Variants in R3HDM1 observed in about 807,000 individuals in gnomAD.
R3HDM1 encodes the protein R3H domain containing 1.
A neutral mutation model predicts 141.1 loss-of-function variants in R3HDM1; 46 were observed. The observed-to-expected ratio is 0.33, with a 90% CI of 0.26 to 0.42. R3HDM1 has a LOEUF of 0.42. R3HDM1 is among the 10% of genes least tolerant of loss of function. The probability of loss-of-function intolerance (pLI) is 1.00; values close to 1 mark genes in which losing one functional copy is unlikely to be tolerated. For synonymous variants in R3HDM1, 435 were observed against 472.9 expected, an observed-to-expected ratio of 0.92 and a Z score of 1.04; for missense variants, 1,184 against 1,368.3, an observed-to-expected ratio of 0.87 and a Z score of 2.12.
At chr2:135,561,220 C>G in intron 1 of R3HDM1, 3 of 748,666 alleles carry the variant, frequency 4.0e-6, no homozygotes, top group Non-Finnish European at 4.9e-6. Context: ...ATGACCTGTT[C>G]CATTGATGGA....
chr2:135,640,587 C>G (rs2063698967), intron 14 of R3HDM1, among the ~76,000 whole-genome samples: 1 of 152,104 alleles, frequency 6.6e-6, no homozygotes, highest in African/African-American at 2.4e-5. Flanking sequence ...TAAATTGATA[C>G]AGTTTTTATG....
At chr2:135,666,921 T>TAAAA (rs59959578) in intron 19 of R3HDM1, 59 of 182,296 alleles carry the variant, frequency 3.2e-4, no homozygotes, top group South Asian at 1.0e-3. Flanking sequence ...GGCTCATCTT[T>TAAAA]AAAAAAAAAA....
In R3HDM1 at chr2:135,722,475, C is replaced by T. The variant is rs754954736; in HGVS notation, c.2971C>T (p.Pro991Ser). The T allele has an allele frequency of 2.5e-6, 4 of 1,613,526 alleles. No homozygotes were observed. In the Admixed American group the frequency reaches 6.7e-5, roughly 27 times the overall value. Residue 991 changes from proline to serine, a missense_variant, in exon 26 of 27, where the codon CCT becomes TCT. Pro to Ser is a moderately conservative substitution (Grantham distance 74). Around this residue, in one of 5 missense-constraint regions of R3HDM1, gnomAD observed 182 missense variants for 252.6 expected, o/e 0.72. Coordinates refer to ENST00000683871, the MANE Select transcript of R3HDM1 (RefSeq NM_001378107.1). ...HGHIPNQQGQ[P>S]GSRHGNRGRR... ...ACTATTTGTGGGTTTTCAGGGTCAGCCTGGCAGCAGGCATGGAAACCGAGG... is the reference window on the plus strand; with the variant it reads ...ACTATTTGTGGGTTTTCAGGGTCAGTCTGGCAGCAGGCATGGAAACCGAGG...
chr2:135,553,593 A>C (rs975075171), intron 1 of R3HDM1, among the ~76,000 whole-genome samples: 1 of 152,238 alleles, frequency 6.6e-6, no homozygotes, highest in African/African-American at 2.4e-5. Flanking sequence ...TGATGTTTTT[A>C]CAAGTTTGTA....
intron 26 of R3HDM1, among the ~76,000 whole-genome samples, chr2:135,723,693 C>G (rs1233074536): frequency 7.0e-6 from 1 of 142,152 alleles, no homozygotes; most frequent in East Asian, 2.2e-4. Context: ...AGGAGAATCG[C>G]TTGAACCTGG....
In R3HDM1 at chr2:135,724,583, T is replaced by A. The variant is rs899332713; in HGVS notation, c.*291T>A. The A allele has an allele frequency of 8.2e-5, 22 of 267,806 alleles. No individual in the cohort carries two copies. The highest frequency in any genetic ancestry group is 4.8e-4 in the African/African-American group (22 of 45,484). 16.6% of individuals were successfully genotyped at this position (267,806 alleles called of 1,614,324 possible). A position where few individuals can be genotyped will look rare whatever the true frequency, so the allele number is the denominator to read the frequency against. On this transcript the variant is annotated 3_prime_UTR_variant, in exon 27 of 27. Transcript: ENST00000683871. ...GTTATTTTGTTTTATATTTCTAAAT[T>A]CTTGTATCAGATCCAAAGCTCTATT...
intron 1 of R3HDM1, among the ~76,000 whole-genome samples, chr2:135,588,785 A>G (rs995580221): frequency 4.6e-5 from 7 of 152,170 alleles, no homozygotes; most frequent in Admixed American, 3.3e-4. Flanking sequence ...GATACATAAG[A>G]TAATACCCCA....
intron 1 of R3HDM1, among the ~76,000 whole-genome samples, chr2:135,553,677 A>G (rs1337876017): frequency 1.3e-5 from 2 of 152,114 alleles, no homozygotes; most frequent in Non-Finnish European, 1.5e-5. Context: ...AGGTTTTTGT[A>G]TGTGTTTTTT....
At chr2:135,718,972 C>T (rs2076424892) in intron 24 of R3HDM1, among the ~76,000 whole-genome samples, 1 of 151,788 alleles carries the variant, frequency 6.6e-6, no homozygotes, top group Non-Finnish European at 1.5e-5. Flanking sequence ...GGTGAAACCC[C>T]GTCTCCATTA....
At chr2:135,699,468 A>G (rs1221632096) in intron 21 of R3HDM1, among the ~76,000 whole-genome samples, 3 of 152,228 alleles carry the variant, frequency 2.0e-5, no homozygotes, top group South Asian at 2.1e-4. Flanking sequence ...TTAGCCTTAG[A>G]TAACAGTGCA....
intron 14 of R3HDM1, among the ~76,000 whole-genome samples, chr2:135,641,211 CTAAAAGG>C (rs1214404659): frequency 6.6e-6 from 1 of 152,122 alleles, no homozygotes; most frequent in East Asian, 1.9e-4. Flanking sequence ...AGGTGTTAAT[CTAAAAGG>C]TAAAATGTAC....
At chr2:135,641,490 T>C (rs1309895723) in intron 14 of R3HDM1, 46 bp from the exon 15 acceptor site, 2 of 1,541,786 alleles carry the variant, frequency 1.3e-6, no homozygotes, top group Admixed American at 4.3e-5. Context: ...CTGTGTTTTT[T>C]ATATGAGGTT....
intron 3 of R3HDM1, among the ~76,000 whole-genome samples, chr2:135,608,365 G>C (rs1303286271): frequency 6.6e-6 from 1 of 151,772 alleles, no homozygotes; most frequent in Non-Finnish European, 1.5e-5. Context: ...TAAGAATATT[G>C]ACCCTGCTTT....
At chr2:135,692,687 A>G (rs1007666521) in intron 21 of R3HDM1, among the ~76,000 whole-genome samples, 69 of 152,326 alleles carry the variant, frequency 4.5e-4, no homozygotes, top group African/African-American at 1.7e-3. Flanking sequence ...ACTCTTTAAA[A>G]AAAAAGGCCA....
At chr2:135,716,859 G>A (rs2076202849) in intron 24 of R3HDM1, among the ~76,000 whole-genome samples, 1 of 152,144 alleles carries the variant, frequency 6.6e-6, no homozygotes, top group Admixed American at 6.6e-5. Context: ...GGCTGAAGCA[G>A]GAGAATCACT....
intron 24 of R3HDM1, among the ~76,000 whole-genome samples, chr2:135,717,067 T>C (rs1203854268): frequency 2.0e-5 from 3 of 152,230 alleles, no homozygotes; most frequent in Non-Finnish European, 4.4e-5. Context: ...AGATGTCTAA[T>C]AAGCCCTTGA....
intron 3 of R3HDM1, 125 bp downstream of exon 3, chr2:135,605,141 T>C (rs1441827828): frequency 6.1e-6 from 5 of 820,702 alleles, no homozygotes; most frequent in Non-Finnish European, 9.1e-6. Context: ...ACATGCTTAC[T>C]AGCTGGTTTT....
intron 26 of R3HDM1, among the ~76,000 whole-genome samples, chr2:135,723,013 A>G (rs2076841599): frequency 6.6e-6 from 1 of 152,300 alleles, no homozygotes; most frequent in South Asian, 2.1e-4. Flanking sequence ...AAGTTCAGAA[A>G]AATGTTTGAG....
At chr2:135,667,757 C>G (rs1407043029) in intron 19 of R3HDM1, 1 of 981,664 alleles carries the variant, frequency 1.0e-6, no homozygotes, top group African/African-American at 1.8e-5. Flanking sequence ...TCCCTCTTTT[C>G]CAGATCATTG....
Sources: allele counts gnomAD v4.1 joint callset (sites outside exome capture counted in the v4.1 genomes callset), GRCh38; gene constraint gnomAD v4.1.1; regional missense constraint gnomAD v4.1.1; transcripts MANE v1.5; gene names NCBI Gene and HGNC (gene_info 2026-07-23, HGNC 2026-07-21).